SLC24A3: variants seen among roughly 807,000 people sequenced by gnomAD.
SLC24A3 encodes the protein solute carrier family 24 member 3.
A neutral mutation model predicts 75.8 loss-of-function variants in SLC24A3; 28 were observed. That is an observed-to-expected ratio of 0.37 (90% CI 0.27 to 0.51). The LOEUF (loss-of-function observed/expected upper bound fraction) is 0.51, where lower values mean the gene tolerates loss of function less well. Ranked by LOEUF, SLC24A3 falls within the 20% of genes least tolerant of loss-of-function variation. The pLI is 0.94. For synonymous variants in SLC24A3, 372 were observed against 334.1 expected (o/e 1.11, Z -1.24); for missense variants, 663 against 847.8 (o/e 0.78, Z 2.71).
intron 6 of SLC24A3, among the ~76,000 whole-genome samples, chr20:19,609,748 C>T (rs1199743774): frequency 6.6e-6 from 1 of 152,202 alleles, no homozygotes; most frequent in Non-Finnish European, 1.5e-5. Flanking sequence ...GTTTACCTGA[C>T]CATGTCTTTT....
intron 2 of SLC24A3, among the ~76,000 whole-genome samples, chr20:19,287,936 C>G (rs1156746212): frequency 6.6e-6 from 1 of 152,196 alleles, no homozygotes; most frequent in East Asian, 1.9e-4. Context: ...ATGCCTTCTT[C>G]CCAGGCTTGT....
chr20:19,346,462 G>A (rs1985432506), intron 2 of SLC24A3, among the ~76,000 whole-genome samples: 1 of 149,522 alleles, frequency 6.7e-6, no homozygotes, highest in Admixed American at 6.7e-5. Context: ...CATATACCAT[G>A]GAATACTACT....
intron 7 of SLC24A3, among the ~76,000 whole-genome samples, chr20:19,658,639 G>T (rs1320291425): frequency 6.6e-6 from 1 of 152,166 alleles, no homozygotes; most frequent in African/African-American, 2.4e-5. Context: ...GTGACATTCC[G>T]TACTTTGAAA....
At chr20:19,482,907 A>G (rs1018084193) in intron 2 of SLC24A3, among the ~76,000 whole-genome samples, 2 of 152,182 alleles carry the variant, frequency 1.3e-5, no homozygotes, top group Non-Finnish European at 2.9e-5. Context: ...AAGGTTTATG[A>G]TTCAGTGTGA....
intron 13 of SLC24A3, chr20:19,696,444 A>G (rs1204598940): frequency 1.6e-5 from 3 of 191,550 alleles, no homozygotes; most frequent in African/African-American, 2.3e-5. Flanking sequence ...GCATCCATCC[A>G]TTCTGGATGC....
Position 19,515,543 on chromosome 20 carries a change from G to A in SLC24A3, c.327G>A (p.Ala109=), listed in dbSNP as rs774236435. 1.5e-5 allele frequency: 25 copies of A among 1,614,024 alleles called. No homozygotes were observed. Among genetic ancestry groups the A allele is most frequent in the Middle Eastern group, 1.6e-4 (1 of 6,082 alleles). ...IFTNEDRRQG[A]VVLHVLCAIY... The stretch of plus-strand genomic sequence containing the variant: ...CAAACGAGGATAGAAGACAAGGTGC[G>A]GTGGTCCTCCATGTGCTCTGTGTAA... Residue 109 remains alanine (A), a synonymous_variant, in exon 3 of 17, where the codon GCG becomes GCA. Transcript: ENST00000328041.
intron 1 of SLC24A3, chr20:19,213,191 A>C: frequency 8.6e-6 from 4 of 466,126 alleles, no homozygotes; most frequent in Non-Finnish European, 1.3e-5. Flanking sequence ...GCCAGCAGCC[A>C]GCAGGCTTAG....
intron 2 of SLC24A3, among the ~76,000 whole-genome samples, chr20:19,391,195 T>A (rs1213282964): frequency 2.6e-5 from 4 of 152,198 alleles, no homozygotes; most frequent in Non-Finnish European, 5.9e-5. Flanking sequence ...ACTAACACCC[T>A]TGGCTCCTTA....
chr20:19,636,653 CA>C (rs1055726795), intron 6 of SLC24A3, among the ~76,000 whole-genome samples: 5 of 152,150 alleles, frequency 3.3e-5, no homozygotes, highest in African/African-American at 1.2e-4. Context: ...ACAGAGCCAG[CA>C]ATCAGCCTTC....
At chr20:19,703,285 T>C (rs910606047) in intron 15 of SLC24A3, among the ~76,000 whole-genome samples, 7 of 152,162 alleles carry the variant, frequency 4.6e-5, no homozygotes, top group Non-Finnish European at 1.0e-4. Context: ...ACATAATCTC[T>C]TTCCACATCC....
At chr20:19,661,910 T>C (rs1025514822) in intron 7 of SLC24A3, among the ~76,000 whole-genome samples, 5 of 152,162 alleles carry the variant, frequency 3.3e-5, no homozygotes, top group Non-Finnish European at 7.4e-5. Context: ...GCCGGCCTGA[T>C]GTAAGCCCGT....
rs184722891 is a variant in SLC24A3, at chr20:19,628,045, T to A, written c.613-26017T>A. Among the ~76,000 whole-genome samples the A allele has an allele frequency of 1.6e-3, 244 of 150,198 alleles. 5 individuals are homozygous for A. In the East Asian group the frequency reaches 0.045, roughly 27 times the overall value. ...ACCCTGTCTCTGCTAAAAATAATTT[T>A]TAAAAAAAATTAGCCAGGCATGGTG... On this transcript the variant is annotated intron_variant, in intron 6 of 16. Coordinates refer to ENST00000328041, the MANE Select transcript of SLC24A3 (RefSeq NM_020689.4).
chr20:19,509,286 C>T (rs1988502588), intron 2 of SLC24A3, among the ~76,000 whole-genome samples: 1 of 152,184 alleles, frequency 6.6e-6, no homozygotes, highest in Non-Finnish European at 1.5e-5. Flanking sequence ...ATGTTAGTTC[C>T]CAAATACAGC....
intron 6 of SLC24A3, among the ~76,000 whole-genome samples, chr20:19,629,022 A>C (rs773382776): frequency 1.3e-5 from 2 of 152,192 alleles, no homozygotes; most frequent in Non-Finnish European, 2.9e-5. Context: ...TAAAAGGAAA[A>C]AATAAATTAA....
chr20:19,489,123 C>T lies in SLC24A3; in HGVS notation c.272-26365C>T, dbSNP rs190850614. Among the ~76,000 whole-genome samples the T allele has an allele frequency of 4.8e-3, 730 of 152,270 alleles. 5 individuals are homozygous for T. The highest frequency in any genetic ancestry group is 8.4e-3 in the Non-Finnish European group (569 of 68,018). ...TCTGGGGAAGTCACCTAGCCTAATTCAATCTATACATTCAGAACTCCTACA... is the reference window on the plus strand; with the variant it reads ...TCTGGGGAAGTCACCTAGCCTAATTTAATCTATACATTCAGAACTCCTACA... On this transcript the variant is annotated intron_variant, in intron 2 of 16. Coordinates refer to ENST00000328041, the MANE Select transcript of SLC24A3 (RefSeq NM_020689.4).
intron 2 of SLC24A3, among the ~76,000 whole-genome samples, chr20:19,411,260 C>T (rs1345209006): frequency 2.0e-5 from 3 of 152,162 alleles, no homozygotes; most frequent in Admixed American, 6.5e-5. Context: ...ATAGGTGTTA[C>T]CCACCTTGGG....
intron 3 of SLC24A3, among the ~76,000 whole-genome samples, chr20:19,553,067 TTCCC>T (rs146583328): frequency 0.034 from 3,338 of 98,998 alleles, 93 homozygotes; most frequent in South Asian, 0.12. Flanking sequence ...CCCTCCTTCC[TTCCC>T]TCCCTCCCTC....
At chr20:19,433,594 G>A (rs1395692775) in intron 2 of SLC24A3, among the ~76,000 whole-genome samples, 1 of 152,160 alleles carries the variant, frequency 6.6e-6, no homozygotes, top group Admixed American at 6.6e-5. Flanking sequence ...GTAGGCCCTG[G>A]AATTTGGTAA....
At chr20:19,636,561 T>C (rs1343207956) in intron 6 of SLC24A3, among the ~76,000 whole-genome samples, 2 of 152,218 alleles carry the variant, frequency 1.3e-5, no homozygotes, top group Non-Finnish European at 2.9e-5. Context: ...ACATTCTCTC[T>C]TTTATTTTGG....
Sources: allele counts gnomAD v4.1 joint callset (sites outside exome capture counted in the v4.1 genomes callset), GRCh38; gene constraint gnomAD v4.1.1; transcripts MANE v1.5; gene names NCBI Gene and HGNC (gene_info 2026-07-23, HGNC 2026-07-21).